Variants in SNTG1 observed in about 807,000 individuals in gnomAD.
SNTG1 encodes the protein syntrophin gamma 1.
SNTG1 carries 39 observed loss-of-function variants against 74.7 expected under a neutral mutation model. The ratio of observed to expected loss-of-function variants is 0.52; its 90% CI spans 0.40 to 0.68. SNTG1 has a LOEUF of 0.68. Ranked by LOEUF, SNTG1 falls within the 30% of genes least tolerant of loss-of-function variation. The probability of loss-of-function intolerance (pLI) is 0.00; values close to 1 mark genes in which losing one functional copy is unlikely to be tolerated. For missense variants in SNTG1, 685 were observed against 609.5 expected (o/e 1.12, Z -1.30); for synonymous variants, 254 against 217.1 (o/e 1.17, Z -1.49).
rs1802781795 is a variant in SNTG1, at chr8:50,795,732, TAAAG to T, written c.*2906_*2909del. ...TACTATAATAATGTCTTTTGCCTGA[TAAAG>T]AATAACAATTCATCTAAGTCGAAGT... On this transcript the variant is annotated 3_prime_UTR_variant, in exon 19 of 19. Coordinates refer to ENST00000642720, the MANE Select transcript of SNTG1 (RefSeq NM_018967.5). 1 of 152,096 alleles carries T rather than the reference TAAAG, an allele frequency of 6.6e-6. No individual in the cohort carries two copies. Among genetic ancestry groups the T allele is most frequent in the Non-Finnish European group, 1.5e-5 (1 of 67,982 alleles). The allele number at this position is 152,096 out of a possible 1,614,324, so 9.4% of individuals were successfully genotyped here. A position where few individuals can be genotyped will look rare whatever the true frequency, so the allele number is the denominator to read the frequency against.
chr8:50,701,819 T>C (rs146993717), intron 15 of SNTG1, among the ~76,000 whole-genome samples: 2,465 of 144,202 alleles, frequency 0.017, 79 homozygotes, highest in African/African-American at 0.061. Context: ...TTCTTCTTCT[T>C]CTCCTCCTCC....
intron 1 of SNTG1, among the ~76,000 whole-genome samples, chr8:49,966,035 A>G (rs899555006): frequency 6.6e-5 from 10 of 152,148 alleles, no homozygotes; most frequent in African/African-American, 2.4e-4. Flanking sequence ...TTTTGCTGCA[A>G]GTATACTCAG....
At chr8:50,389,149 C>A (rs1425596373) in intron 2 of SNTG1, among the ~76,000 whole-genome samples, 1 of 152,146 alleles carries the variant, frequency 6.6e-6, no homozygotes, top group African/African-American at 2.4e-5. Context: ...GGTCATTTCT[C>A]CCCACCCATA....
At chr8:50,562,937 C>T (rs554710742) in intron 12 of SNTG1, among the ~76,000 whole-genome samples, 3 of 152,262 alleles carry the variant, frequency 2.0e-5, no homozygotes, top group Admixed American at 6.5e-5. Context: ...GTTGCATTCA[C>T]GCAGTCTGAG....
At chr8:50,718,441 G>A (rs1334636689) in intron 17 of SNTG1, among the ~76,000 whole-genome samples, 2 of 152,138 alleles carry the variant, frequency 1.3e-5, no homozygotes, top group Non-Finnish European at 2.9e-5. Context: ...TTTGTTTCTC[G>A]TGCTTCTGTG....
At chr8:50,440,663 T>G (rs1420578610) in intron 5 of SNTG1, among the ~76,000 whole-genome samples, 1 of 152,212 alleles carries the variant, frequency 6.6e-6, no homozygotes, top group Non-Finnish European at 1.5e-5. Context: ...TAAACGCATA[T>G]CTTACCACTA....
At chr8:49,951,303 T>C (rs940163236) in intron 1 of SNTG1, among the ~76,000 whole-genome samples, 4 of 152,170 alleles carry the variant, frequency 2.6e-5, no homozygotes, top group Admixed American at 6.5e-5. Context: ...ATAATCAGTG[T>C]TATTAAGACA....
chr8:50,077,250 T>C (rs1013103553), intron 1 of SNTG1, among the ~76,000 whole-genome samples: 3 of 152,168 alleles, frequency 2.0e-5, no homozygotes, highest in African/African-American at 7.2e-5. Context: ...TCCTTCCAAA[T>C]CTGGTTGGCA....
At chr8:50,368,394 G>T (rs539988167) in intron 2 of SNTG1, among the ~76,000 whole-genome samples, 1 of 152,270 alleles carries the variant, frequency 6.6e-6, no homozygotes, top group African/African-American at 2.4e-5. Context: ...AGAAGGATTT[G>T]TTAAGCAAAA....
chr8:50,277,924 A>G lies in SNTG1; in HGVS notation c.-28+105289A>G, dbSNP rs531687335. ...CACGCTGGCTCACACCTGTAATCCCAGCACTTTGGGAAGCCTAGGCAAGTG... is the reference window on the plus strand; with the variant it reads ...CACGCTGGCTCACACCTGTAATCCCGGCACTTTGGGAAGCCTAGGCAAGTG... On this transcript the variant is annotated intron_variant, in intron 2 of 18. Transcript: ENST00000642720. Among the ~76,000 whole-genome samples the G allele has an allele frequency of 3.6e-4, 55 of 152,342 alleles. 1 individual carries two copies. In the South Asian group the frequency reaches 7.9e-3, roughly 22 times the overall value.
chr8:49,926,427 T>A (rs939826508), intron 1 of SNTG1, among the ~76,000 whole-genome samples: 1 of 152,152 alleles, frequency 6.6e-6, no homozygotes, highest in Non-Finnish European at 1.5e-5. Flanking sequence ...TTCAAATGAT[T>A]AAATTTCAAA....
At chr8:50,596,159 G>C (rs2094725787) in intron 13 of SNTG1, among the ~76,000 whole-genome samples, 1 of 151,930 alleles carries the variant, frequency 6.6e-6, no homozygotes, top group African/African-American at 2.4e-5. Flanking sequence ...TAATAGATGT[G>C]TCATGATCTG....
intron 15 of SNTG1, among the ~76,000 whole-genome samples, chr8:50,679,077 C>G (rs1022615962): frequency 6.6e-6 from 1 of 152,030 alleles, no homozygotes; most frequent in African/African-American, 2.4e-5. Flanking sequence ...AGTATTATTA[C>G]AATATAATCT....
In SNTG1 at chr8:50,402,282, G is replaced by A. The variant is rs902162888; in HGVS notation, c.100G>A (p.Asp34Asn). Residue 34 changes from aspartate (D) to asparagine (N), a missense_variant, in exon 4 of 19, where the codon GAC (aspartate) becomes AAC (asparagine). Asp to Asn is a conservative substitution (Grantham distance 23). Transcript: ENST00000642720. The part of the protein sequence containing the change: ...PFKVRLHLAK[D>N]ILMIQEQDVI... ...CAAAGTGCGGCTGCACCTAGCCAAA[G>A]ACATTTTGATGATCCAGGAACAGGA... The A allele has an allele frequency of 1.2e-6, 2 of 1,613,658 alleles. No homozygotes were observed. Among genetic ancestry groups the A allele is most frequent in the Admixed American group, 1.7e-5 (1 of 59,920 alleles).
At chr8:50,705,373 A>G (rs1395075167) in intron 16 of SNTG1, among the ~76,000 whole-genome samples, 1 of 152,200 alleles carries the variant, frequency 6.6e-6, no homozygotes, top group African/African-American at 2.4e-5. Flanking sequence ...TATTCATACT[A>G]CTCATGAAAA....
intron 1 of SNTG1, among the ~76,000 whole-genome samples, chr8:50,118,952 ATTCTAC>A (rs1163153485): frequency 7.1e-6 from 1 of 140,308 alleles, no homozygotes; most frequent in Non-Finnish European, 1.6e-5. Flanking sequence ...GAGTGATGAA[ATTCTAC>A]TTCTAACTAC....
chr8:50,685,141 A>G (rs1288051350), intron 15 of SNTG1, among the ~76,000 whole-genome samples: 1 of 152,130 alleles, frequency 6.6e-6, no homozygotes. Flanking sequence ...TGCTATAAAC[A>G]AAGGGGCATG....
chr8:50,573,962 G>A (rs2094563032), intron 12 of SNTG1, among the ~76,000 whole-genome samples: 1 of 151,944 alleles, frequency 6.6e-6, no homozygotes, highest in African/African-American at 2.4e-5. Flanking sequence ...ACTGGTGAAA[G>A]TTCTTAATAA....
chr8:50,228,651 TA>T (rs1056502265), intron 2 of SNTG1, among the ~76,000 whole-genome samples: 15 of 151,914 alleles, frequency 9.9e-5, no homozygotes, highest in Middle Eastern at 6.8e-3. Flanking sequence ...GGAAAAAAAT[TA>T]CACTGACTTA....
Sources: allele counts gnomAD v4.1 joint callset (sites outside exome capture counted in the v4.1 genomes callset), GRCh38; gene constraint gnomAD v4.1.1; transcripts MANE v1.5; gene names NCBI Gene and HGNC (gene_info 2026-07-23, HGNC 2026-07-21).